PARVG: variants seen among roughly 807,000 people sequenced by gnomAD.
PARVG encodes gamma-parvin.
Under a neutral mutation model 44.4 loss-of-function variants are expected in PARVG, and 36 were observed. That is an observed-to-expected ratio of 0.81 (90% CI 0.62 to 1.07). The LOEUF is 1.07. PARVG is among the 50% of genes least tolerant of loss of function. The pLI, the probability that PARVG is intolerant of heterozygous loss-of-function variation, is 0.00. For synonymous variants in PARVG, 170 were observed against 174.1 expected, an observed-to-expected ratio of 0.98 and a Z score of 0.19; for missense variants, 407 against 407.4, an observed-to-expected ratio of 1.00 and a Z score of 0.01.
rs115819055 is a variant in PARVG, at chr22:44,197,799, G to T, written c.712-822G>T. ...ACGTGTTTGGTATATTACCTGGCAC[G>T]CTGCCGGCATGAAATAAGTGAGAGA... is the stretch of plus-strand genomic sequence containing the variant. On this transcript the variant is annotated intron_variant, in intron 11 of 13. Coordinates refer to ENST00000444313, the MANE Select transcript of PARVG (RefSeq NM_022141.7). 3.6e-3 allele frequency among the ~76,000 whole-genome samples: 543 copies of T among 152,254 alleles called. 2 individuals carry two copies. Among genetic ancestry groups the T allele is most frequent in the African/African-American group, 0.012 (511 of 41,534 alleles).
chr22:44,203,898 G>A (rs554371527), intron 12 of PARVG, among the ~76,000 whole-genome samples: 2 of 152,340 alleles, frequency 1.3e-5, no homozygotes, highest in Admixed American at 6.5e-5. Flanking sequence ...AGGATGGAGT[G>A]CAGTGGTGCA....
At chr22:44,176,084 A>G (rs2054316704), upstream of PARVG, among the ~76,000 whole-genome samples, 2 of 152,130 alleles carry the variant, frequency 1.3e-5, no homozygotes, top group Admixed American at 6.5e-5. Flanking sequence ...TCCTCCCACA[A>G]TCTCATTCTT....
chr22:44,205,924 C>T (rs1333207107), intron 13 of PARVG, 95 bp downstream of exon 13: 2 of 1,395,844 alleles, frequency 1.4e-6, no homozygotes, highest in African/African-American at 1.4e-5. Context: ...GGGGGATGAG[C>T]ACGCATTGGC....
At chr22:44,200,927 C>T (rs2054699206) in intron 12 of PARVG, among the ~76,000 whole-genome samples, 1 of 152,040 alleles carries the variant, frequency 6.6e-6, no homozygotes, top group South Asian at 2.1e-4. Context: ...TCCCCTGCTT[C>T]AAGTGGAGCA....
At chr22:44,196,048 C>T in intron 9 of PARVG, 107 bp from the exon 10 acceptor site, 1 of 1,168,064 alleles carries the variant, frequency 8.6e-7, no homozygotes, top group Non-Finnish European at 1.3e-6. Context: ...AACGACAGCT[C>T]CCTCTGGACT....
intron 3 of PARVG, 100 bp downstream of exon 3, chr22:44,183,508 C>T (rs1368295972): frequency 4.2e-6 from 5 of 1,192,634 alleles, no homozygotes; most frequent in Non-Finnish European, 5.7e-6. Flanking sequence ...CAGCTGTCAG[C>T]TGAGCGCCCA....
In PARVG at chr22:44,174,442, C is replaced by T. The variant is rs181211573; in HGVS notation, c.-189+1251C>T. Reference sequence around the variant, plus strand: ...GGGCTGAGCCTAGTGGGCTCTGGCTCATGCCTGTAATCCCAGCACTTTGGG... The same window carrying T: ...GGGCTGAGCCTAGTGGGCTCTGGCTTATGCCTGTAATCCCAGCACTTTGGG... On this transcript the variant is annotated intron_variant, in intron 1 of 13. Coordinates refer to the PARVG transcript ENST00000422871. 7.0e-3 allele frequency among the ~76,000 whole-genome samples: 1,072 copies of T among 152,202 alleles called. 6 individuals are homozygous for T. The highest frequency in any genetic ancestry group is 0.01 in the Non-Finnish European group (705 of 68,008).
chr22:44,176,819 A>G (rs748818519), upstream of PARVG, among the ~76,000 whole-genome samples: 2 of 152,222 alleles, frequency 1.3e-5, no homozygotes, highest in African/African-American at 2.4e-5. Context: ...ACCGTTCCAC[A>G]TGGCTGGAGA....
At chr22:44,200,999 C>CCAGCCACAGCCA (rs991524547) in intron 12 of PARVG, among the ~76,000 whole-genome samples, 1 of 152,126 alleles carries the variant, frequency 6.6e-6, no homozygotes, top group Non-Finnish European at 1.5e-5. Context: ...CTGCCGACTC[C>CCAGCCACAGCCA]CAGCCACAGC....
rs907004749 is a variant in PARVG at position 44,182,226 on chromosome 22, T to G, written c.-13+309T>G. ...GGGCTTGCCCAGGCTGCTGATCCCT[T>G]TGGGCAGCATCGAGTCCAGGCCCTC... On this transcript the variant is annotated intron_variant, in intron 2 of 13. Coordinates refer to ENST00000444313, the MANE Select transcript of PARVG (RefSeq NM_022141.7). This position sits in a 1 kb window ranked among gnomAD's most constrained non-coding sequence, Gnocchi z 4.6. Among the ~76,000 whole-genome samples, 2 of 152,148 alleles carry G rather than the reference T, an allele frequency of 1.3e-5. No homozygotes were observed. The highest frequency in any genetic ancestry group is 2.9e-5 in the Non-Finnish European group (2 of 68,024).
chr22:44,181,998 C>T (rs1335002965), intron 2 of PARVG, 81 bp downstream of exon 2: 2 of 975,866 alleles, frequency 2.0e-6, no homozygotes, highest in Admixed American at 6.2e-5. Context: ...TGGGAAGGAT[C>T]CCAGAGTGCA....
rs139128 is a variant in PARVG, at chr22:44,182,983, T to TG, written c.-12-329dup. ...CTACTTTGTCCTGTCTGGGATAGGG[T>TG]GGGGGGTCCCTGGGTAGGGGGCTGG... On this transcript the variant is annotated intron_variant, in intron 2 of 13. Coordinates refer to ENST00000444313, the MANE Select transcript of PARVG (RefSeq NM_022141.7). The surrounding 1 kb of genome is among the most constrained non-coding windows in gnomAD (Gnocchi z 4.6). 32,732 of 324,328 alleles carry TG rather than the reference T, an allele frequency of 0.1. 1,849 individuals are homozygous for TG. Among genetic ancestry groups the TG allele is most frequent in the African/African-American group, 0.11 (4,986 of 44,768 alleles). The allele number at this position is 324,328 out of a possible 1,614,324, so 20.1% of individuals were successfully genotyped here.
At chr22:44,192,299 A>C (rs1013130362) in intron 8 of PARVG, among the ~76,000 whole-genome samples, 195 bp downstream of exon 8, 1 of 152,134 alleles carries the variant, frequency 6.6e-6, no homozygotes, top group Non-Finnish European at 1.5e-5. Context: ...CTAGCCTCCA[A>C]CCAGGTCCCT....
chr22:44,198,703 C>T lies in PARVG; in HGVS notation c.794C>T (p.Pro265Leu). The change falls in exon 12 of 14, where the codon CCC becomes CTC. Residue 265 changes from proline to leucine, a missense_variant. Transcript: ENST00000444313. ...CACTTAAAGGAATTCTACCTCACTC[C>T]CAACTCTCCTGCAGAAATGGTAAGT... Reference protein sequence around the residue: ...FLHLKEFYLTPNSPAEMLHNV... With the variant: ...FLHLKEFYLTLNSPAEMLHNV... 1.2e-6 allele frequency: 2 copies of T among 1,612,380 alleles called. No homozygotes were observed. The highest frequency in any genetic ancestry group is 1.7e-6 in the Non-Finnish European group (2 of 1,178,416).
chr22:44,193,347 A>G (rs773597977), intron 8 of PARVG, among the ~76,000 whole-genome samples: 1 of 152,228 alleles, frequency 6.6e-6, no homozygotes, highest in Non-Finnish European at 1.5e-5. Flanking sequence ...AAACCAACAG[A>G]TGGCAAGAGA....
At position 44,198,681 on chromosome 22, in the gene PARVG, T is replaced by C. The variant is rs1273814097; in HGVS notation, c.772T>C (p.Leu258=). 1 of 1,613,906 alleles carries C rather than the reference T, an allele frequency of 6.2e-7. No individual in the cohort carries two copies. The highest frequency in any genetic ancestry group is 1.1e-5 in the South Asian group (1 of 91,076). Residue 258 remains leucine, a synonymous_variant, in exon 12 of 14, where the codon TTA becomes CTA. Coordinates refer to ENST00000444313, the MANE Select transcript of PARVG (RefSeq NM_022141.7). ...IGQLEGFFLH[L]KEFYLTPNSP... ...ACAACTTGAAGGCTTCTTCCTGCAC[T>C]TAAAGGAATTCTACCTCACTCCCAA...
At chr22:44,195,795 G>C (rs1235446198) in intron 9 of PARVG, among the ~76,000 whole-genome samples, 3 of 152,216 alleles carry the variant, frequency 2.0e-5, no homozygotes, top group African/African-American at 7.2e-5. Context: ...GCAGATAAAG[G>C]GATGCAGCTG....
chr22:44,202,349 C>A (rs540841112), intron 12 of PARVG, among the ~76,000 whole-genome samples: 5 of 152,182 alleles, frequency 3.3e-5, no homozygotes, highest in African/African-American at 1.2e-4. Flanking sequence ...AGGGGGCAGG[C>A]AGGACCACCT....
intron 1 of PARVG, 174 bp downstream of exon 1, chr22:44,181,359 C>G (rs1044334592): frequency 7.5e-5 from 74 of 985,346 alleles, no homozygotes; most frequent in Non-Finnish European, 8.4e-5. Flanking sequence ...AAGTCTGCAG[C>G]CGAGAGTCCA....
Sources: allele counts gnomAD v4.1 joint callset (sites outside exome capture counted in the v4.1 genomes callset), GRCh38; gene constraint gnomAD v4.1.1; non-coding constraint Gnocchi (gnomAD v3.1); transcripts MANE v1.5; gene names NCBI Gene and HGNC (gene_info 2026-07-23, HGNC 2026-07-21).